Variants in SPRED1 observed in about 807,000 individuals in gnomAD.
SPRED1 encodes the protein sprouty related EVH1 domain containing 1.
SPRED1 carries 18 observed loss-of-function variants against 52.3 expected under a neutral mutation model. The observed-to-expected ratio is 0.34, with a 90% CI of 0.24 to 0.51. SPRED1 has a LOEUF of 0.51. SPRED1 is among the 20% of genes least tolerant of loss of function. The pLI, the probability that SPRED1 is intolerant of heterozygous loss-of-function variation, is 0.97. For missense variants in SPRED1, 485 were observed against 551.0 expected (o/e 0.88, Z 1.20); for synonymous variants, 155 against 179.7 (o/e 0.86, Z 1.10).
chr15:38,350,833 C>G (rs1158391752), intron 6 of SPRED1, among the ~76,000 whole-genome samples, 181 bp from the exon 7 acceptor site: 1 of 152,178 alleles, frequency 6.6e-6, no homozygotes, highest in Non-Finnish European at 1.5e-5. Flanking sequence ...GCCTATACCA[C>G]AGAAGGTACT....
In SPRED1 at chr15:38,354,470, C is replaced by T. The variant is rs1214694849; in HGVS notation, c.*2806C>T. On this transcript the variant is annotated 3_prime_UTR_variant, in exon 7 of 7. Coordinates refer to ENST00000299084, the MANE Select transcript of SPRED1 (RefSeq NM_152594.3). ...TTTCTCTTGGCTTCAAAAGGGACATCATTTGATTTCTGAAGAAGTATGTCG... is the reference window on the plus strand; with the variant it reads ...TTTCTCTTGGCTTCAAAAGGGACATTATTTGATTTCTGAAGAAGTATGTCG... 5 of 152,240 alleles carry T rather than the reference C, an allele frequency of 3.3e-5. No individual in the cohort carries two copies. Among genetic ancestry groups the T allele is most frequent in the African/African-American group, 1.2e-4 (5 of 41,540 alleles). 9.4% of individuals were successfully genotyped at this position (152,240 alleles called of 1,614,324 possible). A position where few individuals can be genotyped will look rare whatever the true frequency, so the allele number is the denominator to read the frequency against.
chr15:38,340,754 T>C (rs755848573), intron 5 of SPRED1, among the ~76,000 whole-genome samples: 7 of 152,100 alleles, frequency 4.6e-5, no homozygotes, highest in Non-Finnish European at 7.4e-5. Flanking sequence ...CATGCTGGTC[T>C]TGAACTCCTG....
chr15:38,314,351 A>G (rs1299498049), intron 2 of SPRED1, among the ~76,000 whole-genome samples: 2 of 151,872 alleles, frequency 1.3e-5, no homozygotes, highest in East Asian at 3.8e-4. Flanking sequence ...ATAAAAATGT[A>G]TGGATTATAT....
chr15:38,349,787 C>T (rs1242527120), intron 6 of SPRED1, among the ~76,000 whole-genome samples: 1 of 152,142 alleles, frequency 6.6e-6, no homozygotes, highest in Non-Finnish European at 1.5e-5. Flanking sequence ...GTATCTGTCA[C>T]CCCACCTTTA....
intron 3 of SPRED1, among the ~76,000 whole-genome samples, chr15:38,324,388 T>C (rs1477377379): frequency 6.6e-6 from 1 of 152,192 alleles, no homozygotes; most frequent in Non-Finnish European, 1.5e-5. Context: ...TACTGTTTCC[T>C]GGGTCAAAGC....
chr15:38,329,487 G>A (rs577684618), intron 4 of SPRED1, among the ~76,000 whole-genome samples: 2 of 152,276 alleles, frequency 1.3e-5, no homozygotes, highest in East Asian at 1.9e-4. Context: ...TATTTAGGTA[G>A]TACAGAGTAT....
chr15:38,328,112 G>A (rs1486616840), intron 4 of SPRED1, among the ~76,000 whole-genome samples: 1 of 152,140 alleles, frequency 6.6e-6, no homozygotes, highest in African/African-American at 2.4e-5. Context: ...TATGGGCTTG[G>A]CATAAATGTT....
In SPRED1 at chr15:38,252,850, C is replaced by A; in HGVS notation, c.-336C>A. 2 of 409,800 alleles carry A rather than the reference C, an allele frequency of 4.9e-6. No homozygotes were observed. The highest frequency in any genetic ancestry group is 4.7e-5 in the South Asian group (2 of 42,274). 25.4% of individuals were successfully genotyped at this position (409,800 alleles called of 1,614,324 possible). On this transcript the variant is annotated 5_prime_UTR_variant, in exon 1 of 7. Coordinates refer to ENST00000299084, the MANE Select transcript of SPRED1 (RefSeq NM_152594.3). ...GGCCGGACCCCGCTGCGCTCCACCC[C>A]AGTGGCTGGAGGAGCAGCTCTCCAG...
intron 1 of SPRED1, among the ~76,000 whole-genome samples, chr15:38,269,319 G>A (rs1342483355): frequency 3.9e-5 from 6 of 152,046 alleles, no homozygotes; most frequent in East Asian, 1.9e-4. Context: ...ATCACAGCAC[G>A]CTAACCTCGA....
At chr15:38,288,058 A>T (rs1894845145) in intron 1 of SPRED1, among the ~76,000 whole-genome samples, 1 of 152,156 alleles carries the variant, frequency 6.6e-6, no homozygotes. Flanking sequence ...AAAGTTCTGT[A>T]TCTTACAGTT....
At chr15:38,332,818 G>T (rs1895831431) in intron 4 of SPRED1, among the ~76,000 whole-genome samples, 1 of 152,156 alleles carries the variant, frequency 6.6e-6, no homozygotes, top group South Asian at 2.1e-4. Flanking sequence ...GCAAAATGCC[G>T]TGACTGGGTA....
chr15:38,353,014 G>A lies in SPRED1; in HGVS notation c.*1350G>A, dbSNP rs1412378905. Reference sequence around the variant, plus strand: ...CCAACAAACTTTAAAGTACCTTGAAGTCAAATTGTCTGTTTTTGTTTTGTT... The same window carrying A: ...CCAACAAACTTTAAAGTACCTTGAAATCAAATTGTCTGTTTTTGTTTTGTT... On this transcript the variant is annotated 3_prime_UTR_variant, in exon 7 of 7. Transcript: ENST00000299084. The A allele has an allele frequency of 6.6e-6, 1 of 152,330 alleles. No homozygotes were observed. The highest frequency in any genetic ancestry group is 2.4e-5 in the African/African-American group (1 of 41,440). 9.4% of individuals were successfully genotyped at this position (152,330 alleles called of 1,614,324 possible).
intron 4 of SPRED1, among the ~76,000 whole-genome samples, chr15:38,335,249 G>A (rs1895889346): frequency 6.6e-6 from 1 of 152,018 alleles, no homozygotes; most frequent in African/African-American, 2.4e-5. Flanking sequence ...TCCAGTACGT[G>A]CCCAGTCTTC....
intron 1 of SPRED1, among the ~76,000 whole-genome samples, chr15:38,266,687 C>T (rs549390040): frequency 6.6e-6 from 1 of 151,478 alleles, no homozygotes; most frequent in African/African-American, 2.4e-5. Context: ...GGATATTCTT[C>T]AACTTTGTAT....
rs1237028941 is a variant in SPRED1, at chr15:38,352,923, A to G, written c.*1259A>G. On this transcript the variant is annotated 3_prime_UTR_variant, in exon 7 of 7. Coordinates refer to ENST00000299084, the MANE Select transcript of SPRED1 (RefSeq NM_152594.3). The stretch of plus-strand genomic sequence containing the variant: ...TAAATGAAGTATCTTGTACATATAA[A>G]TTTATTTCTTTTGCAGAGCATTATA... 1.3e-5 allele frequency: 2 copies of G among 152,240 alleles called. No homozygotes were observed. The highest frequency in any genetic ancestry group is 1.3e-4 in the Admixed American group (2 of 15,292). The allele number at this position is 152,240 out of a possible 1,614,324, so 9.4% of individuals were successfully genotyped here.
At chr15:38,323,437 TA>T (rs952792880) in intron 3 of SPRED1, among the ~76,000 whole-genome samples, 3 of 152,062 alleles carry the variant, frequency 2.0e-5, no homozygotes, top group African/African-American at 7.2e-5. Context: ...GGCTACACAT[TA>T]AAATCACCTG....
intron 4 of SPRED1, among the ~76,000 whole-genome samples, chr15:38,337,774 T>C: frequency 6.6e-6 from 1 of 152,016 alleles, no homozygotes. Flanking sequence ...TATTATAATT[T>C]AGTAAAAGAT....
chr15:38,308,791 A>T (rs1233285720), intron 2 of SPRED1, among the ~76,000 whole-genome samples: 1 of 152,170 alleles, frequency 6.6e-6, no homozygotes, highest in Non-Finnish European at 1.5e-5. Flanking sequence ...ACATTCACAT[A>T]CATGTTTTTT....
chr15:38,296,326 A>G (rs1414979916), intron 1 of SPRED1, among the ~76,000 whole-genome samples: 1 of 152,170 alleles, frequency 6.6e-6, no homozygotes, highest in Admixed American at 6.6e-5. Flanking sequence ...GCAACTATTA[A>G]TTTGATTGTT....
Sources: gnomAD v4.1 joint callset for allele counts (sites outside exome capture counted in the v4.1 genomes callset) on GRCh38, gnomAD v4.1.1 for gene constraint, MANE v1.5 for transcripts, NCBI Gene and HGNC (gene_info 2026-07-23, HGNC 2026-07-21) for gene names.